Variants in UGT2B11 observed in about 807,000 individuals in gnomAD.
The protein encoded by UGT2B11 is UDP glucuronosyltransferase family 2 member B11.
UGT2B11 carries 49 observed loss-of-function variants against 51.7 expected under a neutral mutation model. The observed-to-expected ratio is 0.95, with a 90% CI of 0.75 to 1.20. The LOEUF (loss-of-function observed/expected upper bound fraction) is 1.20, where lower values mean the gene tolerates loss of function less well. Ranked by LOEUF, UGT2B11 falls within the 50% of genes most tolerant of loss-of-function variation. The probability of loss-of-function intolerance (pLI) is 0.00; values close to 1 mark genes in which losing one functional copy is unlikely to be tolerated. For synonymous variants in UGT2B11, 273 were observed against 209.0 expected (o/e 1.31, Z -2.64); for missense variants, 810 against 622.1 (o/e 1.30, Z -3.21).
chr4:69,202,902 C>G (rs1263426400), intron 5 of UGT2B11, among the ~76,000 whole-genome samples: 2 of 151,502 alleles, frequency 1.3e-5, no homozygotes, highest in African/African-American at 4.8e-5. Context: ...TTAGATGATA[C>G]CCTCCTTACA....
chr4:69,214,969 T>A, upstream of UGT2B11: 1 of 406,496 alleles, frequency 2.5e-6, no homozygotes, highest in Non-Finnish European at 4.3e-6. Flanking sequence ...ACCTTGCAAG[T>A]ACCCTGTTTT....
Position 69,214,080 on chromosome 4 carries a change from T to G in UGT2B11, c.643A>C (p.Ile215Leu), listed in dbSNP as rs758299517. The change falls in exon 1 of 6, where the codon ATC (isoleucine) becomes CTC (leucine). Residue 215 changes from isoleucine (I) to leucine (L), a missense_variant. Coordinates refer to ENST00000446444, the MANE Select transcript of UGT2B11 (RefSeq NM_001073.3). ...CAAAAGTCAAAATAAAGCACATAGA[T>G]CATATTTTTTACCCTCTCCATGAAA... is the stretch of plus-strand genomic sequence containing the variant. ...MTFMERVKNM[I>L]YVLYFDFWFQ... The G allele has an allele frequency of 7.4e-6, 12 of 1,610,990 alleles. No homozygotes were observed. The highest frequency in any genetic ancestry group is 2.5e-6 in the Non-Finnish European group (3 of 1,178,564).
chr4:69,222,842 G>C, the UGT2B11 span, among the ~76,000 whole-genome samples: 1 of 152,192 alleles, frequency 6.6e-6, no homozygotes, highest in Admixed American at 6.5e-5. Flanking sequence ...AAGGGACATA[G>C]TTTGGGTGCC....
the UGT2B11 span, among the ~76,000 whole-genome samples, chr4:69,221,039 G>T: frequency 6.6e-6 from 1 of 152,170 alleles, no homozygotes; most frequent in Non-Finnish European, 1.5e-5. Flanking sequence ...CAATAAAAGG[G>T]ACAATAAGGG....
Position 69,205,519 on chromosome 4 carries a change from T to A in UGT2B11, c.1051A>T (p.Thr351Ser). ...TGGGGTATCCACTTGTACAGCCGAG[T>A]ATTGAGACCTAAGGCATCTGGTTTA... ...GNKPDALGLN[T>S]RLYKWIPQND... Residue 351 changes from threonine to serine, a missense_variant, in exon 4 of 6, where the codon ACT (threonine) becomes TCT (serine). Physicochemically the swap from Thr to Ser is moderately conservative, Grantham distance 58. Transcript: ENST00000446444. 1 of 1,610,626 alleles carries A rather than the reference T, an allele frequency of 6.2e-7. No homozygotes were observed. The highest frequency in any genetic ancestry group is 8.5e-7 in the Non-Finnish European group (1 of 1,177,898).
intron 2 of UGT2B11, among the ~76,000 whole-genome samples, chr4:69,211,572 C>G (rs1021672245): frequency 2.0e-5 from 3 of 151,548 alleles, no homozygotes; most frequent in African/African-American, 7.3e-5. Flanking sequence ...GAGTCACTGA[C>G]TATATGCCAG....
At chr4:69,201,588 A>C (rs1721661753) in intron 5 of UGT2B11, among the ~76,000 whole-genome samples, 2 of 151,698 alleles carry the variant, frequency 1.3e-5, no homozygotes, top group Admixed American at 1.3e-4. Flanking sequence ...CTCATCTTAG[A>C]ACTTTACACG....
chr4:69,208,694 A>T (rs549141325), intron 2 of UGT2B11, among the ~76,000 whole-genome samples: 102 of 151,716 alleles, frequency 6.7e-4, no homozygotes, highest in Non-Finnish European at 1.2e-3. Flanking sequence ...ATATGTGTGT[A>T]TATGTATGTA....
At chr4:69,222,678 A>G in the UGT2B11 span, among the ~76,000 whole-genome samples, 5 of 152,204 alleles carry the variant, frequency 3.3e-5, no homozygotes, top group Admixed American at 6.5e-5. Context: ...TGTCCATGTG[A>G]GATCAAAGGA....
chr4:69,203,702 A>C (rs1003585502), intron 5 of UGT2B11, among the ~76,000 whole-genome samples: 1 of 151,774 alleles, frequency 6.6e-6, no homozygotes, highest in Admixed American at 6.6e-5. Flanking sequence ...AATAAAAACC[A>C]TAAGAAAACA....
intron 2 of UGT2B11, among the ~76,000 whole-genome samples, chr4:69,208,765 T>A (rs878947832): frequency 1.3e-5 from 2 of 151,618 alleles, no homozygotes; most frequent in African/African-American, 4.8e-5. Context: ...GTCAGGGAGA[T>A]AATGTTAAAA....
the UGT2B11 span, among the ~76,000 whole-genome samples, chr4:69,223,580 A>AC: frequency 2.0e-5 from 3 of 152,182 alleles, no homozygotes; most frequent in Non-Finnish European, 4.4e-5. Flanking sequence ...GGACTGAGGC[A>AC]CCACTGATGC....
intron 3 of UGT2B11, among the ~76,000 whole-genome samples, chr4:69,207,019 C>G (rs181823502): frequency 1.3e-5 from 2 of 151,454 alleles, no homozygotes; most frequent in East Asian, 3.9e-4. Flanking sequence ...AAATTTCAAG[C>G]GACAATTTTT....
chr4:69,208,083 T>C (rs1456010704), intron 3 of UGT2B11, among the ~76,000 whole-genome samples: 2 of 151,626 alleles, frequency 1.3e-5, no homozygotes, highest in African/African-American at 4.8e-5. Context: ...AGTTCCCTGT[T>C]GTGGATACCT....
At chr4:69,206,026 G>A (rs1165410356) in intron 3 of UGT2B11, among the ~76,000 whole-genome samples, 4 of 151,548 alleles carry the variant, frequency 2.6e-5, no homozygotes, top group African/African-American at 9.7e-5. Flanking sequence ...TCTGTTGGTT[G>A]GAATGTAAGT....
upstream of UGT2B11, chr4:69,215,196 T>C (rs1722229824): frequency 6.5e-6 from 1 of 153,288 alleles, no homozygotes; most frequent in Non-Finnish European, 1.5e-5. Flanking sequence ...CCTAGTAAAT[T>C]CACAGACTTG....
chr4:69,204,365 T>C (rs1291361450), intron 5 of UGT2B11, 65 bp downstream of exon 5: 3 of 1,592,914 alleles, frequency 1.9e-6, no homozygotes, highest in Non-Finnish European at 1.7e-6. Flanking sequence ...ATGAAACTCA[T>C]GCTCACTATT....
chr4:69,200,837 CAG>C, intron 5 of UGT2B11, 118 bp from the exon 6 acceptor site: 7 of 1,234,134 alleles, frequency 5.7e-6, no homozygotes, highest in Non-Finnish European at 7.5e-6. Flanking sequence ...AAAGAATTGA[CAG>C]AGAATTTGTG....
intron 5 of UGT2B11, among the ~76,000 whole-genome samples, chr4:69,202,906 C>T (rs1280403275): frequency 6.6e-6 from 1 of 151,578 alleles, no homozygotes; most frequent in East Asian, 2.0e-4. Context: ...ATGATACCCT[C>T]CTTACACAAA....
Sources: gnomAD v4.1 joint callset for allele counts (sites outside exome capture counted in the v4.1 genomes callset) on GRCh38, gnomAD v4.1.1 for gene constraint, MANE v1.5 for transcripts, NCBI Gene and HGNC (gene_info 2026-07-23, HGNC 2026-07-21) for gene names.